Variants in RFX3 observed in about 807,000 individuals in gnomAD.
RFX3 encodes transcription factor RFX3.
Under a neutral mutation model 98.6 loss-of-function variants are expected in RFX3, and 14 were observed. The observed-to-expected ratio is 0.14, with a 90% CI of 0.09 to 0.22. RFX3 has a LOEUF of 0.22. Ranked by LOEUF, RFX3 falls within the 10% of genes least tolerant of loss-of-function variation. The pLI is 1.00. For missense variants in RFX3, 639 were observed against 926.9 expected (o/e 0.69, Z 4.03); for synonymous variants, 383 against 328.4 (o/e 1.17, Z -1.80).
intron 9 of RFX3, 41 bp downstream of exon 9, chr9:3,275,459 A>G (rs780733747): frequency 8.6e-7 from 1 of 1,168,644 alleles, no homozygotes; most frequent in Non-Finnish European, 1.3e-6. Context: ...GTTATCTGGC[A>G]AAACCTAGCA....
At chr9:3,467,709 A>C (rs1189815890) in intron 1 of RFX3, among the ~76,000 whole-genome samples, 1 of 152,176 alleles carries the variant, frequency 6.6e-6, no homozygotes, top group East Asian at 1.9e-4. Flanking sequence ...GCTAAACCCA[A>C]GTAAAAGCAT....
At chr9:3,231,818 C>A (rs900841071) in intron 15 of RFX3, among the ~76,000 whole-genome samples, 1 of 152,094 alleles carries the variant, frequency 6.6e-6, no homozygotes, top group African/African-American at 2.4e-5. Context: ...AATCCCAGCA[C>A]TTTGGGAGGC....
chr9:3,221,857 T>C lies in RFX3; in HGVS notation c.*3185A>G, dbSNP rs1213456300. On this transcript the variant is annotated 3_prime_UTR_variant, in exon 17 of 17. Transcript: ENST00000617270. Reference sequence around the variant, plus strand: ...AAACAGTCAACATACCTTCCTTACATTCTTCCTCACTGAAAGTGTAGGACT... The same window carrying C: ...AAACAGTCAACATACCTTCCTTACACTCTTCCTCACTGAAAGTGTAGGACT... 6.6e-6 allele frequency: 1 copy of C among 152,186 alleles called. No individual in the cohort carries two copies. Among genetic ancestry groups the C allele is most frequent in the Non-Finnish European group, 1.5e-5 (1 of 68,010 alleles). 9.4% of individuals were successfully genotyped at this position (152,186 alleles called of 1,614,324 possible). A position where few individuals can be genotyped will look rare whatever the true frequency, so the allele number is the denominator to read the frequency against.
At chr9:3,268,680 T>C (rs1476101515) in intron 11 of RFX3, among the ~76,000 whole-genome samples, 1 of 151,904 alleles carries the variant, frequency 6.6e-6, no homozygotes, top group Non-Finnish European at 1.5e-5. Context: ...AATCAAAATT[T>C]GCAAAAGACA....
chr9:3,250,723 T>C (rs1302342920), intron 14 of RFX3, among the ~76,000 whole-genome samples: 1 of 152,002 alleles, frequency 6.6e-6, no homozygotes, highest in Non-Finnish European at 1.5e-5. Context: ...ATTAAACAAG[T>C]TATGGCTCAT....
At chr9:3,275,736 A>C in intron 8 of RFX3, 124 bp from the exon 9 acceptor site, 2 of 546,238 alleles carry the variant, frequency 3.7e-6, no homozygotes, top group Non-Finnish European at 6.6e-6. Flanking sequence ...TCCAGAGAGC[A>C]AGGACATTTT....
intron 2 of RFX3, among the ~76,000 whole-genome samples, chr9:3,385,432 C>T (rs947631298): frequency 6.6e-6 from 1 of 151,992 alleles, no homozygotes; most frequent in African/African-American, 2.4e-5. Context: ...AACTCTTGGC[C>T]GGGTGCAGTG....
chr9:3,431,651 C>T (rs189866859), intron 1 of RFX3, among the ~76,000 whole-genome samples: 56 of 152,084 alleles, frequency 3.7e-4, no homozygotes, highest in African/African-American at 1.3e-3. Flanking sequence ...CATTATATGA[C>T]AATTTAAAGC....
intron 1 of RFX3, among the ~76,000 whole-genome samples, chr9:3,508,632 G>C (rs1306512080): frequency 6.6e-6 from 1 of 151,820 alleles, no homozygotes; most frequent in African/African-American, 2.4e-5. Flanking sequence ...TTGAAGGTGA[G>C]GCTAAATCCA....
intron 6 of RFX3, among the ~76,000 whole-genome samples, chr9:3,290,922 C>T (rs1827250206): frequency 6.6e-6 from 1 of 152,152 alleles, no homozygotes; most frequent in Admixed American, 6.5e-5. Flanking sequence ...CCCCTCACTC[C>T]TTCTCCTCTG....
At chr9:3,452,330 C>T (rs915118631) in intron 1 of RFX3, 24 of 310,532 alleles carry the variant, frequency 7.7e-5, no homozygotes, top group Middle Eastern at 7.2e-4. Flanking sequence ...TTGGCTCATG[C>T]CTGTAATCTC....
rs1473107841 is a variant in RFX3 at position 3,221,597 on chromosome 9, T to C, written c.*3445A>G. On this transcript the variant is annotated 3_prime_UTR_variant, in exon 17 of 17. Coordinates refer to ENST00000617270, the MANE Select transcript of RFX3 (RefSeq NM_001282116.2). ...AAGGCAGTAAGACTTATACAGTCAG[T>C]CCAAACACAGTTTGGATGAAAATCC... The C allele has an allele frequency of 6.6e-6, 1 of 152,090 alleles. No homozygotes were observed. The highest frequency in any genetic ancestry group is 1.9e-4 in the East Asian group (1 of 5,190). 9.4% of individuals were successfully genotyped at this position (152,090 alleles called of 1,614,324 possible). A position where few individuals can be genotyped will look rare whatever the true frequency, so the allele number is the denominator to read the frequency against.
At chr9:3,353,036 C>G (rs546090924) in intron 2 of RFX3, among the ~76,000 whole-genome samples, 2 of 151,786 alleles carry the variant, frequency 1.3e-5, no homozygotes, top group South Asian at 2.1e-4. Context: ...GATGAGTTCA[C>G]GTCCTTTGTA....
chr9:3,352,785 C>G (rs1024530371), intron 2 of RFX3, among the ~76,000 whole-genome samples: 3 of 152,088 alleles, frequency 2.0e-5, no homozygotes, highest in African/African-American at 7.2e-5. Flanking sequence ...ATCCTGGGTT[C>G]TGACCTAGAA....
chr9:3,464,532 A>T (rs1223032832), intron 1 of RFX3, among the ~76,000 whole-genome samples: 2 of 152,212 alleles, frequency 1.3e-5, no homozygotes, highest in Admixed American at 1.3e-4. Context: ...ATACTGCGTG[A>T]TTCCATTTAT....
At chr9:3,350,213 C>T (rs562064363) in intron 2 of RFX3, among the ~76,000 whole-genome samples, 1 of 152,210 alleles carries the variant, frequency 6.6e-6, no homozygotes, top group South Asian at 2.1e-4. Context: ...ATTTGCAATA[C>T]TGATCTGATT....
chr9:3,259,864 A>G (rs1245864066), intron 13 of RFX3, among the ~76,000 whole-genome samples: 1 of 152,102 alleles, frequency 6.6e-6, no homozygotes, highest in Non-Finnish European at 1.5e-5. Flanking sequence ...GTATTATAAT[A>G]TTGACACACA....
chr9:3,344,182 T>C (rs756874401), intron 3 of RFX3, among the ~76,000 whole-genome samples: 3 of 152,126 alleles, frequency 2.0e-5, no homozygotes, highest in Non-Finnish European at 4.4e-5. Flanking sequence ...AGTGCATAAT[T>C]TTACAGCAAT....
At chr9:3,398,455 T>C (rs1279847578) in intron 1 of RFX3, among the ~76,000 whole-genome samples, 2 of 152,206 alleles carry the variant, frequency 1.3e-5, no homozygotes, top group Non-Finnish European at 2.9e-5. Flanking sequence ...AGGCAATGCT[T>C]TTCTGCAAAG....
Sources: allele counts gnomAD v4.1 joint callset (sites outside exome capture counted in the v4.1 genomes callset), GRCh38; gene constraint gnomAD v4.1.1; transcripts MANE v1.5; gene names NCBI Gene and HGNC (gene_info 2026-07-23, HGNC 2026-07-21).